The following PLD5 variants were observed in gnomAD, a reference collection of about 807,000 sequenced individuals.
PLD5 encodes phospholipase D family member 5.
Under a neutral mutation model 61.1 loss-of-function variants are expected in PLD5, and 36 were observed. The ratio of observed to expected loss-of-function variants is 0.59; its 90% confidence interval spans 0.45 to 0.78. PLD5 has a LOEUF of 0.78. Among genes scored for constraint, PLD5 ranks in the 30% least tolerant of loss-of-function variants. The pLI is 0.00. For missense variants in PLD5, 515 were observed against 644.4 expected (o/e 0.80, Z 2.17); for synonymous variants, 243 against 242.8 (o/e 1.00, Z -0.01).
chr1:242,332,795 C>T (rs55987114), intron 2 of PLD5, among the ~76,000 whole-genome samples: 5 of 152,166 alleles, frequency 3.3e-5, no homozygotes, highest in Non-Finnish European at 5.9e-5. Flanking sequence ...CTTTGTGATA[C>T]TAATTGTGTA....
rs1553305550 is a variant in PLD5, at chr1:242,132,194, G to GC, written c.736-7530_736-7529insG. 1.7e-4 allele frequency among the ~76,000 whole-genome samples: 16 copies of GC among 92,768 alleles called. 1 individual carries two copies. The highest frequency in any genetic ancestry group is 5.1e-4 in the African/African-American group (13 of 25,250). The allele number at this position is 92,768 out of a possible 152,430, so 60.9% of individuals were successfully genotyped here. ...CATCAAAGAGAATGCAGTGATTGCG[G>GC]GGGGGGGGGGGGGCGGAATCATTTT... On this transcript the variant is annotated intron_variant, in intron 5 of 9. Coordinates refer to ENST00000536534, the MANE Select transcript of PLD5 (RefSeq NM_001372062.1).
intron 1 of PLD5, among the ~76,000 whole-genome samples, chr1:242,411,197 C>A (rs1031673478): frequency 1.3e-5 from 2 of 151,996 alleles, no homozygotes; most frequent in African/African-American, 4.8e-5. Flanking sequence ...CTCTACAAAT[C>A]CCTGAGAAGG....
chr1:242,150,652 T>C (rs1053805885), intron 5 of PLD5, among the ~76,000 whole-genome samples: 1 of 151,984 alleles, frequency 6.6e-6, no homozygotes, highest in Non-Finnish European at 1.5e-5. Context: ...AGTGGTAGCA[T>C]AATAAATTTT....
At chr1:242,419,025 G>A (rs537006156) in intron 1 of PLD5, among the ~76,000 whole-genome samples, 2 of 152,290 alleles carry the variant, frequency 1.3e-5, no homozygotes, top group South Asian at 4.1e-4. Flanking sequence ...TTCACACAGA[G>A]ACATTGGGTC....
intron 1 of PLD5, among the ~76,000 whole-genome samples, chr1:242,517,910 A>G (rs985243812): frequency 5.9e-5 from 9 of 152,124 alleles, no homozygotes; most frequent in Non-Finnish European, 1.3e-4. Flanking sequence ...TTTTATGTCA[A>G]TGAGTCCCAT....
intron 5 of PLD5, among the ~76,000 whole-genome samples, chr1:242,167,082 TAATAATA>T (rs1666367773): frequency 3.8e-5 from 2 of 52,516 alleles, no homozygotes; most frequent in South Asian, 1.0e-3. Flanking sequence ...ATAATAGTAA[TAATAATA>T]ATAATAATAA....
At chr1:242,520,292 T>C (rs1199188725) in intron 1 of PLD5, among the ~76,000 whole-genome samples, 1 of 152,276 alleles carries the variant, frequency 6.6e-6, no homozygotes, top group East Asian at 1.9e-4. Context: ...CCCCAGCCAA[T>C]AGGCACAGGT....
chr1:242,278,423 A>G (rs1225114216), intron 3 of PLD5, among the ~76,000 whole-genome samples: 1 of 152,220 alleles, frequency 6.6e-6, no homozygotes, highest in African/African-American at 2.4e-5. Flanking sequence ...GATAATGCTT[A>G]TGAGTTTATA....
At position 242,089,771 on chromosome 1, in the gene PLD5, CATATT is replaced by C; in HGVS notation, c.*78_*82del. ...TGTGCTTTTTCCCTAAAAAAAGAGACATATTAAAGTGTTTTTTCTCTCCTCAAGTC... is the reference window on the plus strand; with the variant it reads ...TGTGCTTTTTCCCTAAAAAAAGAGACAAAGTGTTTTTTCTCTCCTCAAGTC... On this transcript the variant is annotated 3_prime_UTR_variant, in exon 10 of 10. Transcript: ENST00000536534. 1 of 1,526,128 alleles carries C rather than the reference CATATT, an allele frequency of 6.6e-7. No individual in the cohort carries two copies. Among genetic ancestry groups the C allele is most frequent in the South Asian group, 1.2e-5 (1 of 83,200 alleles). The allele number at this position is 1,526,128 out of a possible 1,614,324, so 94.5% of individuals were successfully genotyped here. A position where few individuals can be genotyped will look rare whatever the true frequency, so the allele number is the denominator to read the frequency against.
Position 242,328,273 on chromosome 1 carries a change from T to C in PLD5, c.326+19833A>G, listed in dbSNP as rs146698027. Among the ~76,000 whole-genome samples the C allele has an allele frequency of 1.6e-4, 24 of 150,778 alleles. No individual in the cohort carries two copies. The East Asian group carries it at 4.1e-3, about 26-fold the overall frequency. ...GAACATATATATATATACACACACATATATATTATATATATGTATGTATGT... is the reference window on the plus strand; with the variant it reads ...GAACATATATATATATACACACACACATATATTATATATATGTATGTATGT... On this transcript the variant is annotated intron_variant, in intron 2 of 9. Transcript: ENST00000536534.
At chr1:242,509,166 C>T (rs776499437) in intron 1 of PLD5, among the ~76,000 whole-genome samples, 1 of 151,876 alleles carries the variant, frequency 6.6e-6, no homozygotes, top group South Asian at 2.1e-4. Flanking sequence ...TGCCTGAGCT[C>T]GAGAGTTTGA....
rs978652521 is a variant in PLD5, at chr1:242,449,445, G to A, written c.189+74643C>T. ...CTTCCCACAGCCTCTGGAGCCTTCA[G>A]AGGCAGAGAATGTTTCATGTGGCAC... On this transcript the variant is annotated intron_variant, in intron 1 of 9. Transcript: ENST00000536534. 1.4e-5 allele frequency: 22 copies of A among 1,535,344 alleles called. No individual in the cohort carries two copies. In the South Asian group the frequency reaches 2.6e-4, roughly 18 times the overall value.
intron 1 of PLD5, chr1:242,449,366 TCTTC>T: frequency 6.5e-7 from 1 of 1,536,106 alleles, no homozygotes; most frequent in South Asian, 1.2e-5. Context: ...TTGCGACCAA[TCTTC>T]CTTCCCTCCC....
chr1:242,307,845 G>A (rs1460211864), intron 2 of PLD5, among the ~76,000 whole-genome samples: 2 of 152,020 alleles, frequency 1.3e-5, no homozygotes, highest in African/African-American at 2.4e-5. Context: ...TCCCTGAAAG[G>A]ACCACATTAA....
chr1:242,159,169 G>A (rs994593794), intron 5 of PLD5, among the ~76,000 whole-genome samples: 14 of 112,222 alleles, frequency 1.2e-4, no homozygotes, highest in Admixed American at 1.6e-4. Context: ...ATAGACGAAC[G>A]CAAATTTTTT....
intron 4 of PLD5, among the ~76,000 whole-genome samples, chr1:242,249,815 A>G (rs1035387125): frequency 1.3e-5 from 2 of 152,226 alleles, no homozygotes; most frequent in African/African-American, 4.8e-5. Context: ...AGTCTGAATT[A>G]TATCAACCTT....
chr1:242,278,685 G>T (rs528265927), intron 3 of PLD5, among the ~76,000 whole-genome samples: 6 of 152,266 alleles, frequency 3.9e-5, no homozygotes, highest in Admixed American at 2.0e-4. Flanking sequence ...TTTTATGTTT[G>T]TCTGTCTCCC....
intron 1 of PLD5, among the ~76,000 whole-genome samples, chr1:242,366,431 G>A (rs1030129226): frequency 1.3e-5 from 2 of 152,108 alleles, no homozygotes; most frequent in Admixed American, 1.3e-4. Context: ...ACTAAAGGAT[G>A]TTTTTGTTTT....
intron 1 of PLD5, among the ~76,000 whole-genome samples, chr1:242,360,773 G>A (rs1425386285): frequency 6.6e-6 from 1 of 151,978 alleles, no homozygotes; most frequent in Non-Finnish European, 1.5e-5. Flanking sequence ...CTTTCAAGAA[G>A]CCACTCATTT....
Sources: allele counts gnomAD v4.1 joint callset (sites outside exome capture counted in the v4.1 genomes callset), GRCh38; gene constraint gnomAD v4.1.1; transcripts MANE v1.5; gene names NCBI Gene and HGNC (gene_info 2026-07-23, HGNC 2026-07-21).